Variants in OR2Z1 observed in about 807,000 individuals in gnomAD.
The protein encoded by OR2Z1 is olfactory receptor family 2 subfamily Z member 1.
For missense variants in OR2Z1, 449 were observed against 401.8 expected, an observed-to-expected ratio of 1.12 and a Z score of -1.00; for synonymous variants, 188 against 160.6, an observed-to-expected ratio of 1.17 and a Z score of -1.29.
rs117031554 is a variant in OR2Z1 at position 8,725,786 on chromosome 19, A to G, written c.-170+2636A>G. ...GCATTGCTTTAAAGAACTATCTGAGATGATTGGGTAATTTATAAAGAAAAT... is the reference window on the plus strand; with the variant it reads ...GCATTGCTTTAAAGAACTATCTGAGGTGATTGGGTAATTTATAAAGAAAAT... On this transcript the variant is annotated intron_variant, in intron 2 of 2. Transcript: ENST00000641125. Among the ~76,000 whole-genome samples the G allele has an allele frequency of 6.0e-3, 907 of 152,280 alleles. 21 individuals carry two copies. Among genetic ancestry groups the G allele is most frequent in the South Asian group, 0.057 (277 of 4,824 alleles).
chr19:8,725,273 C>T (rs187968704), intron 2 of OR2Z1, among the ~76,000 whole-genome samples: 21 of 152,234 alleles, frequency 1.4e-4, no homozygotes, highest in Non-Finnish European at 3.1e-4. Context: ...GTTGGAGTCT[C>T]GCTCTGTTGT....
chr19:8,725,856 T>A (rs2043325100), intron 2 of OR2Z1, among the ~76,000 whole-genome samples: 1 of 152,234 alleles, frequency 6.6e-6, no homozygotes, highest in South Asian at 2.1e-4. Context: ...GGACGTATAA[T>A]GACTTCTGCT....
At position 8,731,715 on chromosome 19, in the gene OR2Z1, C is replaced by G; in HGVS notation, c.687C>G (p.Arg229=). The G allele has an allele frequency of 6.2e-7, 1 of 1,614,224 alleles. No homozygotes were observed. Among genetic ancestry groups the G allele is most frequent in the Non-Finnish European group, 8.5e-7 (1 of 1,180,038 alleles). Residue 229 remains arginine (R), a synonymous_variant, in exon 3 of 3, where the codon CGC becomes CGG. Coordinates refer to ENST00000641125, the MANE Select transcript of OR2Z1 (RefSeq NM_001004699.3). ...GHVLQAVLSM[R]SEEARHKAVT... is the part of the protein sequence containing the mutation. The stretch of plus-strand genomic sequence containing the variant: ...TGTTGCAGGCTGTTCTAAGCATGCG[C>G]TCAGAGGAGGCCAGACACAAGGCTG...
In OR2Z1 at chr19:8,731,723, A is replaced by G. The variant is rs1599211457; in HGVS notation, c.695A>G (p.Glu232Gly). Residue 232 changes from glutamate (E) to glycine (G), a missense_variant, in exon 3 of 3, where the codon GAG (glutamate) becomes GGG (glycine). Physicochemically the swap from Glu to Gly is moderately conservative, Grantham distance 98 (BLOSUM62 -2). Coordinates refer to ENST00000641125, the MANE Select transcript of OR2Z1 (RefSeq NM_001004699.3). ...LQAVLSMRSE[E>G]ARHKAVTTCS... ...GCTGTTCTAAGCATGCGCTCAGAGG[A>G]GGCCAGACACAAGGCTGTCACCACC... 6.2e-7 allele frequency: 1 copy of G among 1,614,102 alleles called. No homozygotes were observed.
chr19:8,731,038 G>T lies in OR2Z1; in HGVS notation c.10G>T (p.Val4Leu), dbSNP rs782013512. 6.2e-7 allele frequency: 1 copy of T among 1,613,942 alleles called. No individual in the cohort carries two copies. Among genetic ancestry groups the T allele is most frequent in the Non-Finnish European group, 8.5e-7 (1 of 1,179,848 alleles). The change falls in exon 3 of 3, where the codon GTG becomes TTG. Residue 4 changes from valine (V) to leucine (L), a missense_variant. Transcript: ENST00000641125. MGD[V>L]NQSVASDFIL... ...GTGCATTGTGTAAAACATGGGGGAT[G>T]TGAATCAGTCGGTGGCCTCAGACTT...
At chr19:8,726,673 T>C (rs1489701808) in intron 2 of OR2Z1, among the ~76,000 whole-genome samples, 1 of 152,228 alleles carries the variant, frequency 6.6e-6, no homozygotes. Context: ...GAATGTTTTA[T>C]GCCCATTCTA....
chr19:8,722,389 T>A (rs555334075), intron 1 of OR2Z1, among the ~76,000 whole-genome samples: 1 of 152,232 alleles, frequency 6.6e-6, no homozygotes, highest in African/African-American at 2.4e-5. Context: ...CATAACGGAC[T>A]GATGTGAGTT....
At chr19:8,727,491 G>A (rs1052136728) in intron 2 of OR2Z1, among the ~76,000 whole-genome samples, 2 of 152,050 alleles carry the variant, frequency 1.3e-5, no homozygotes, top group African/African-American at 4.8e-5. Flanking sequence ...CCAACATGGC[G>A]CATGTATACA....
chr19:8,732,095 G>A lies in OR2Z1; in HGVS notation c.*122G>A, dbSNP rs1372298493. 2.2e-5 allele frequency: 16 copies of A among 737,066 alleles called. No individual in the cohort carries two copies. The African/African-American group carries it at 2.6e-4, about 12-fold the overall frequency. 45.7% of individuals were successfully genotyped at this position (737,066 alleles called of 1,614,324 possible). On this transcript the variant is annotated 3_prime_UTR_variant, in exon 3 of 3. Transcript: ENST00000641125. Reference sequence around the variant, plus strand: ...GCCAAATATCCAGCCATTGCCCAAGGTGCAACTTTTTGAGAAAATGTCTGC... The same window carrying A: ...GCCAAATATCCAGCCATTGCCCAAGATGCAACTTTTTGAGAAAATGTCTGC...
intron 2 of OR2Z1, among the ~76,000 whole-genome samples, chr19:8,729,574 CTT>C (rs1555756512): frequency 6.6e-6 from 1 of 151,054 alleles, no homozygotes; most frequent in African/African-American, 2.4e-5. Flanking sequence ...CCAAGTCGAA[CTT>C]TAAATTTTTT....
chr19:8,731,754 C>A lies in OR2Z1; in HGVS notation c.726C>A (p.Ser242=). The change falls in exon 3 of 3, where the codon TCC becomes TCA. Residue 242 remains serine (S), a synonymous_variant. Transcript: ENST00000641125. ...EARHKAVTTC[S]SHITVVGLFY... is the part of the protein sequence containing the mutation. ...GACACAAGGCTGTCACCACCTGCTC[C>A]TCGCACATCACGGTAGTGGGGCTCT... 6.2e-7 allele frequency: 1 copy of A among 1,614,260 alleles called. No individual in the cohort carries two copies. The highest frequency in any genetic ancestry group is 8.5e-7 in the Non-Finnish European group (1 of 1,180,050).
rs998972147 is a variant in OR2Z1, at chr19:8,731,254, G to T, written c.226G>T (p.Val76Phe). ...LSLFDIGCPMVTIPKMASDFL... is the reference protein window; with the variant it reads ...LSLFDIGCPMFTIPKMASDFL... ...CCTGTTTGACATTGGCTGTCCCATGGTCACCATCCCCAAGATGGCATCAGA... is the reference window on the plus strand; with the variant it reads ...CCTGTTTGACATTGGCTGTCCCATGTTCACCATCCCCAAGATGGCATCAGA... The change falls in exon 3 of 3, where the codon GTC becomes TTC. Residue 76 changes from valine to phenylalanine, a missense_variant. Physicochemically the swap from Val to Phe is conservative, Grantham distance 50 (BLOSUM62 -1). Coordinates refer to ENST00000641125, the MANE Select transcript of OR2Z1 (RefSeq NM_001004699.3). 3.2e-5 allele frequency: 52 copies of T among 1,614,026 alleles called. No individual in the cohort carries two copies. Among genetic ancestry groups the T allele is most frequent in the Non-Finnish European group, 4.3e-5 (51 of 1,179,982 alleles).
At position 8,730,963 on chromosome 19, in the gene OR2Z1, A is replaced by G; in HGVS notation, c.-66A>G. ...GCATGTGAGATGAAAATTATTTGCC[A>G]CCCCATGCAGGCTTCTTGCCATAGT... On this transcript the variant is annotated 5_prime_UTR_variant, in exon 3 of 3. Coordinates refer to ENST00000641125, the MANE Select transcript of OR2Z1 (RefSeq NM_001004699.3). The G allele has an allele frequency of 7.7e-7, 1 of 1,300,630 alleles. No homozygotes were observed. The highest frequency in any genetic ancestry group is 1.3e-5 in the South Asian group (1 of 75,276). 80.6% of individuals were successfully genotyped at this position (1,300,630 alleles called of 1,614,324 possible).
At chr19:8,722,830 C>G (rs2145074128) in intron 1 of OR2Z1, among the ~76,000 whole-genome samples, 1 of 152,186 alleles carries the variant, frequency 6.6e-6, no homozygotes, top group South Asian at 2.1e-4. Flanking sequence ...CATAGCAAGA[C>G]CGCATCTCTA....
rs1555756718 is a variant in OR2Z1 at position 8,731,271 on chromosome 19, G to A, written c.243G>A (p.Met81Ile). ...GTCCCATGGTCACCATCCCCAAGATGGCATCAGACTTTCTGCGGGGAGAAG... is the reference window on the plus strand; with the variant it reads ...GTCCCATGGTCACCATCCCCAAGATAGCATCAGACTTTCTGCGGGGAGAAG... ...IGCPMVTIPKMASDFLRGEGA... is the reference protein window; with the variant it reads ...IGCPMVTIPKIASDFLRGEGA... Residue 81 changes from methionine to isoleucine, a missense_variant, in exon 3 of 3, where the codon ATG becomes ATA. Transcript: ENST00000641125. 3 of 1,613,980 alleles carry A rather than the reference G, an allele frequency of 1.9e-6. No individual in the cohort carries two copies. The highest frequency in any genetic ancestry group is 2.7e-5 in the African/African-American group (2 of 74,896).
In OR2Z1 at chr19:8,731,765, C is replaced by T. The variant is rs1555756836; in HGVS notation, c.737C>T (p.Thr246Met). The part of the protein sequence containing the change: ...KAVTTCSSHI[T>M]VVGLFYGAAV... ...GTCACCACCTGCTCCTCGCACATCA[C>T]GGTAGTGGGGCTCTTTTATGGTGCC... The change falls in exon 3 of 3, where the codon ACG becomes ATG. Residue 246 changes from threonine (T) to methionine (M), a missense_variant. By Grantham distance (81) the Thr-to-Met change is moderately conservative. Coordinates refer to ENST00000641125, the MANE Select transcript of OR2Z1 (RefSeq NM_001004699.3). The T allele has an allele frequency of 1.9e-6, 3 of 1,614,246 alleles. No homozygotes were observed. Among genetic ancestry groups the T allele is most frequent in the Non-Finnish European group, 1.7e-6 (2 of 1,180,048 alleles).
chr19:8,723,134 G>A lies in OR2Z1; in HGVS notation c.-186G>A, dbSNP rs1425630487. ...CATCAAAGACAGTGGGACCACCTGG[G>A]CACCCTGAAAGGAAAGGTGAGTTTG... On this transcript the variant is annotated 5_prime_UTR_variant, in exon 2 of 3. Transcript: ENST00000641125. 1.3e-5 allele frequency: 2 copies of A among 152,198 alleles called. No homozygotes were observed. The highest frequency in any genetic ancestry group is 4.8e-5 in the African/African-American group (2 of 41,436). 9.4% of individuals were successfully genotyped at this position (152,198 alleles called of 1,614,324 possible). A position where few individuals can be genotyped will look rare whatever the true frequency, so the allele number is the denominator to read the frequency against.
intron 2 of OR2Z1, chr19:8,729,311 T>C: frequency 2.0e-6 from 1 of 495,200 alleles, no homozygotes; most frequent in Non-Finnish European, 3.6e-6. Flanking sequence ...GTGATTAGCT[T>C]CCACTGATAA....
chr19:8,723,613 C>CGTGTGTGTGT (rs147343112), intron 2 of OR2Z1, among the ~76,000 whole-genome samples: 3 of 150,436 alleles, frequency 2.0e-5, no homozygotes, highest in African/African-American at 7.3e-5. Context: ...ACATACAGTG[C>CGTGTGTGTGT]GTGTGTGTGT....
Sources: allele counts gnomAD v4.1 joint callset (sites outside exome capture counted in the v4.1 genomes callset), GRCh38; gene constraint gnomAD v4.1.1; transcripts MANE v1.5; gene names NCBI Gene and HGNC (gene_info 2026-07-23, HGNC 2026-07-21).